ANKFN1: variants seen among roughly 807,000 people sequenced by gnomAD.
ANKFN1 encodes ankyrin repeat and fibronectin type III domain containing 1.
A neutral mutation model predicts 108.7 loss-of-function variants in ANKFN1; 74 were observed. The ratio of observed to expected loss-of-function variants is 0.68; its 90% CI spans 0.56 to 0.83. The LOEUF (loss-of-function observed/expected upper bound fraction) is 0.83. Among genes scored for constraint, ANKFN1 ranks in the 40% least tolerant of loss-of-function variants. The pLI is 0.00. For missense variants in ANKFN1, 1,505 were observed against 1,382.3 expected, an observed-to-expected ratio of 1.09 and a Z score of -1.41; for synonymous variants, 547 against 516.2, an observed-to-expected ratio of 1.06 and a Z score of -0.81.
At chr17:56,174,385 A>T in intron 1 of ANKFN1, 1 of 985,590 alleles carries the variant, frequency 1.0e-6, no homozygotes, top group Non-Finnish European at 1.2e-6. Flanking sequence ...GGATTGGAGG[A>T]GGGAGCAGAG....
chr17:56,307,204 A>C (rs2044856010), intron 3 of ANKFN1, among the ~76,000 whole-genome samples: 1 of 152,244 alleles, frequency 6.6e-6, no homozygotes. Flanking sequence ...AAGCAATGGC[A>C]ACAAAAGCCA....
intron 20 of ANKFN1, among the ~76,000 whole-genome samples, chr17:56,509,663 TAAC>T (rs1383256344): frequency 2.0e-5 from 3 of 152,146 alleles, no homozygotes; most frequent in Non-Finnish European, 4.4e-5. Context: ...GGATACTGGG[TAAC>T]AACAAGGAGT....
At chr17:56,160,403 C>T (rs944416904) in intron 1 of ANKFN1, among the ~76,000 whole-genome samples, 5 of 152,170 alleles carry the variant, frequency 3.3e-5, no homozygotes, top group South Asian at 2.1e-4. Context: ...TTTCTTTTCT[C>T]TTTCTCTTCC....
intron 8 of ANKFN1, among the ~76,000 whole-genome samples, chr17:56,416,631 A>G (rs985709516): frequency 1.3e-5 from 2 of 152,226 alleles, no homozygotes; most frequent in African/African-American, 4.8e-5. Flanking sequence ...TACAACCACT[A>G]TGGAGAACAA....
rs550718076 is a variant in ANKFN1 at position 56,174,059 on chromosome 17, C to T, written c.-71+20529C>T. ...ATGCCATCTGCCAGGTTCCCCTGTA[C>T]TTGCTGTGCTATCAGGTGCCATTGC... On this transcript the variant is annotated intron_variant, in intron 1 of 20. Coordinates refer to ENST00000682825, the MANE Select transcript of ANKFN1 (RefSeq NM_001370326.1). 5.9e-6 allele frequency: 3 copies of T among 510,788 alleles called. No individual in the cohort carries two copies. In the African/African-American group the frequency reaches 6.2e-5, roughly 11 times the overall value. The allele number at this position is 510,788 out of a possible 1,614,324, so 31.6% of individuals were successfully genotyped here. A position where few individuals can be genotyped will look rare whatever the true frequency, so the allele number is the denominator to read the frequency against.
intron 3 of ANKFN1, among the ~76,000 whole-genome samples, chr17:56,234,110 G>T (rs1332095797): frequency 6.6e-6 from 1 of 152,060 alleles, no homozygotes; most frequent in Non-Finnish European, 1.5e-5. Flanking sequence ...TCAAGACCTG[G>T]TTGGTAGCAT....
At chr17:56,456,772 G>A in intron 11 of ANKFN1, 89 bp from the exon 12 acceptor site, 1 of 1,001,302 alleles carries the variant, frequency 1.0e-6, no homozygotes, top group East Asian at 2.5e-5. Flanking sequence ...AGGGATGGGG[G>A]AGGGGAAGGC....
intron 8 of ANKFN1, among the ~76,000 whole-genome samples, chr17:56,429,904 A>G (rs1361324669): frequency 6.6e-6 from 1 of 152,200 alleles, no homozygotes; most frequent in Non-Finnish European, 1.5e-5. Context: ...GGTAGAGTTG[A>G]AAATGCATGC....
intron 4 of ANKFN1, among the ~76,000 whole-genome samples, chr17:56,344,133 A>G (rs4538066): frequency 0.66 from 100,452 of 151,790 alleles, 34,132 homozygotes; most frequent in East Asian, 0.96. Context: ...CTGTTTCTGT[A>G]CATGCCTCAT....
At chr17:56,097,124 A>G (rs894788382) in intron 4 of ANKFN1, among the ~76,000 whole-genome samples, 4 of 152,142 alleles carry the variant, frequency 2.6e-5, no homozygotes, top group African/African-American at 9.7e-5. Flanking sequence ...AACATCAAAA[A>G]ACTATCAGGT....
At chr17:56,444,088 A>G (rs562342948) in intron 10 of ANKFN1, among the ~76,000 whole-genome samples, 1 of 152,332 alleles carries the variant, frequency 6.6e-6, no homozygotes, top group East Asian at 1.9e-4. Context: ...CATAAAATGA[A>G]GCGTCATGTG....
intron 4 of ANKFN1, among the ~76,000 whole-genome samples, chr17:56,094,644 C>T (rs1386491920): frequency 7.0e-6 from 1 of 143,160 alleles, no homozygotes; most frequent in African/African-American, 2.5e-5. Context: ...GCTGGGACTA[C>T]AGGCGCACAC....
intron 8 of ANKFN1, among the ~76,000 whole-genome samples, chr17:56,432,039 G>A (rs550048306): frequency 6.6e-6 from 1 of 152,226 alleles, no homozygotes; most frequent in African/African-American, 2.4e-5. Flanking sequence ...TTGGCCTGTG[G>A]AAGCGCTGTC....
rs779656520 is a variant in ANKFN1 at position 56,466,490 on chromosome 17, C to A, written c.1692C>A (p.Ile564=). The stretch of plus-strand genomic sequence containing the variant: ...TTTTTAATGGCAAATGGATGCAGAT[C>A]TCAAAGCTGCAAAGCCAGAGAAAGT... ...YSFFNGKWMQ[I]SKLQSQRKSL... Residue 564 remains isoleucine (I), a synonymous_variant, in exon 15 of 21, where the codon ATC becomes ATA. Transcript: ENST00000682825. The A allele has an allele frequency of 6.2e-7, 1 of 1,614,080 alleles. No individual in the cohort carries two copies. The highest frequency in any genetic ancestry group is 8.5e-7 in the Non-Finnish European group (1 of 1,180,010).
intron 6 of ANKFN1, among the ~76,000 whole-genome samples, chr17:56,358,233 C>T (rs565019672): frequency 1.3e-5 from 2 of 152,284 alleles, no homozygotes; most frequent in African/African-American, 4.8e-5. Context: ...ATTCTTTTCA[C>T]TATGCCAACC....
intron 3 of ANKFN1, among the ~76,000 whole-genome samples, chr17:56,298,105 G>A (rs553455805): frequency 6.6e-6 from 1 of 152,220 alleles, no homozygotes; most frequent in South Asian, 2.1e-4. Context: ...GAACTACTAA[G>A]TCAGAGACTC....
At chr17:56,219,631 T>G (rs147756314) in intron 2 of ANKFN1, among the ~76,000 whole-genome samples, 19 of 152,374 alleles carry the variant, frequency 1.2e-4, no homozygotes, top group African/African-American at 4.1e-4. Context: ...AATGCCATGT[T>G]TAAGTGAATT....
At chr17:56,334,583 C>T (rs2045754092) in intron 4 of ANKFN1, among the ~76,000 whole-genome samples, 1 of 151,978 alleles carries the variant, frequency 6.6e-6, no homozygotes. Context: ...CGTATTTGCT[C>T]ATTTAAAATT....
At chr17:56,307,746 A>G (rs62073051) in intron 3 of ANKFN1, among the ~76,000 whole-genome samples, 16,512 of 152,170 alleles carry the variant, frequency 0.11, 933 homozygotes, top group African/African-American at 0.16. Context: ...CCAAAGGATT[A>G]TGAATCATGC....
Sources: gnomAD v4.1 joint callset for allele counts (sites outside exome capture counted in the v4.1 genomes callset) on GRCh38, gnomAD v4.1.1 for gene constraint, MANE v1.5 for transcripts, NCBI Gene and HGNC (gene_info 2026-07-23, HGNC 2026-07-21) for gene names.